Variants in VPS13B observed in about 807,000 individuals in gnomAD.
The protein encoded by VPS13B is intermembrane lipid transfer protein VPS13B.
A neutral mutation model predicts 426.4 loss-of-function variants in VPS13B; 285 were observed. That is an observed-to-expected ratio of 0.67 (90% CI 0.61 to 0.74). VPS13B has a LOEUF of 0.74. Among genes scored for constraint, VPS13B ranks in the 30% least tolerant of loss-of-function variants. VPS13B has a pLI of 0.00. For missense variants in VPS13B, 4,537 were observed against 4,782.6 expected (o/e 0.95, Z 1.51); for synonymous variants, 1,676 against 1,676.4 (o/e 1.00, Z 0.01).
At chr8:99,872,491 G>C (rs1563520905) in intron 61 of VPS13B, among the ~76,000 whole-genome samples, 1 of 152,160 alleles carries the variant, frequency 6.6e-6, no homozygotes, top group Non-Finnish European at 1.5e-5. Context: ...AAGGCATACT[G>C]GGTGTCAAGA....
intron 55 of VPS13B, among the ~76,000 whole-genome samples, 158 bp downstream of exon 55, chr8:99,849,052 C>T (rs1446076394): frequency 6.6e-6 from 1 of 152,178 alleles, no homozygotes; most frequent in Non-Finnish European, 1.5e-5. Context: ...ACTAAATCAT[C>T]CCTTCAATAG....
chr8:99,177,651 G>A (rs1263818166), intron 16 of VPS13B, among the ~76,000 whole-genome samples: 6 of 152,228 alleles, frequency 3.9e-5, no homozygotes, highest in African/African-American at 1.4e-4. Context: ...TTTATGGTCA[G>A]TTGGGGTGAA....
intron 14 of VPS13B, among the ~76,000 whole-genome samples, chr8:99,148,988 T>C (rs1419289474): frequency 6.6e-6 from 1 of 152,234 alleles, no homozygotes; most frequent in Non-Finnish European, 1.5e-5. Context: ...AGAAATGCTC[T>C]TTTAGCAGCT....
intron 19 of VPS13B, among the ~76,000 whole-genome samples, chr8:99,299,320 C>T (rs901300355): frequency 2.6e-5 from 4 of 151,746 alleles, no homozygotes; most frequent in African/African-American, 9.7e-5. Context: ...CCTCAGGCTC[C>T]CAAAGTGCTG....
chr8:99,515,627 T>C (rs1188009914), intron 29 of VPS13B, among the ~76,000 whole-genome samples: 1 of 152,180 alleles, frequency 6.6e-6, no homozygotes, highest in Non-Finnish European at 1.5e-5. Context: ...AGTGGAATCC[T>C]TTGCAAATAT....
chr8:99,158,008 G>A (rs1251511127), intron 15 of VPS13B, among the ~76,000 whole-genome samples: 1 of 152,228 alleles, frequency 6.6e-6, no homozygotes, highest in Non-Finnish European at 1.5e-5. Flanking sequence ...GAAGCTGGCA[G>A]AGGTTGGTTC....
At position 99,876,116 on chromosome 8, in the gene VPS13B, T is replaced by C. The variant is rs1487980398; in HGVS notation, c.*450T>C. The C allele has an allele frequency of 2.0e-5, 4 of 198,086 alleles. No homozygotes were observed. Among genetic ancestry groups the C allele is most frequent in the East Asian group, 2.5e-4 (2 of 7,988 alleles). 12.3% of individuals were successfully genotyped at this position (198,086 alleles called of 1,614,324 possible). On this transcript the variant is annotated 3_prime_UTR_variant, in exon 62 of 62. Coordinates refer to ENST00000357162, the MANE Select transcript of VPS13B (RefSeq NM_152564.5). ...GGTCTATTATTAACTCTCTGTTCCA[T>C]CATAGAATGTGGCCAGGCCTTACAA...
At chr8:99,671,075 T>C (rs1830698543) in intron 35 of VPS13B, among the ~76,000 whole-genome samples, 1 of 152,314 alleles carries the variant, frequency 6.6e-6, no homozygotes, top group Middle Eastern at 3.4e-3. Context: ...TTTTCCATAA[T>C]GGCTGTACCA....
chr8:99,347,562 G>A (rs1171652226), intron 19 of VPS13B: 3 of 152,200 alleles, frequency 2.0e-5, no homozygotes, highest in Admixed American at 2.0e-4. Context: ...CTGTATGCTA[G>A]GCTGCTGGTA....
At chr8:99,355,455 G>A (rs1812131940) in intron 19 of VPS13B, among the ~76,000 whole-genome samples, 1 of 152,122 alleles carries the variant, frequency 6.6e-6, no homozygotes, top group African/African-American at 2.4e-5. Context: ...GCTGGGCCTG[G>A]TGGCACATGC....
intron 35 of VPS13B, chr8:99,696,058 A>T (rs1831982518): frequency 6.5e-6 from 1 of 154,280 alleles, no homozygotes; most frequent in African/African-American, 2.4e-5. Flanking sequence ...CTTCCTTCAG[A>T]GGCGATCGCC....
intron 57 of VPS13B, 58 bp downstream of exon 57, chr8:99,859,538 T>A (rs1189314757): frequency 1.3e-5 from 19 of 1,448,584 alleles, no homozygotes; most frequent in Middle Eastern, 1.8e-4. Flanking sequence ...TTTTTTTTTT[T>A]AAAGAATGTG....
At chr8:99,465,112 G>C (rs2133502777) in intron 23 of VPS13B, among the ~76,000 whole-genome samples, 1 of 152,242 alleles carries the variant, frequency 6.6e-6, no homozygotes, top group East Asian at 1.9e-4. Flanking sequence ...AAAGCTATAT[G>C]AAGTTCTCAG....
chr8:99,182,658 T>A (rs1156518908), intron 16 of VPS13B, among the ~76,000 whole-genome samples: 2 of 152,302 alleles, frequency 1.3e-5, no homozygotes, highest in African/African-American at 4.8e-5. Context: ...GTAGGCTTAT[T>A]CAGAGTAATG....
intron 17 of VPS13B, among the ~76,000 whole-genome samples, chr8:99,216,961 T>C (rs1815424557): frequency 6.6e-6 from 1 of 152,156 alleles, no homozygotes; most frequent in Non-Finnish European, 1.5e-5. Flanking sequence ...ATTTAAACTT[T>C]AGGCTATTAT....
At position 99,776,802 on chromosome 8, in the gene VPS13B, C is replaced by T. The variant is rs751790821; in HGVS notation, c.7275C>T (p.Ser2425=). 8 of 1,614,024 alleles carry T rather than the reference C, an allele frequency of 5.0e-6. No individual in the cohort carries two copies. In the East Asian group the frequency reaches 1.6e-4, roughly 31 times the overall value. ...CTGCAAGTGAGTCTGGTTCTCAAAGCACTTGTGATCCACTTGTGACTCCAA... is the reference window on the plus strand; with the variant it reads ...CTGCAAGTGAGTCTGGTTCTCAAAGTACTTGTGATCCACTTGTGACTCCAA... The part of the protein sequence containing the change: ...QSSASESGSQ[S]TCDPLVTPTA... Residue 2425 remains serine (S), a synonymous_variant, in exon 41 of 62, where the codon AGC becomes AGT. Transcript: ENST00000357162.
chr8:99,464,080 C>T (rs1563744646), intron 23 of VPS13B, among the ~76,000 whole-genome samples: 1 of 151,990 alleles, frequency 6.6e-6, no homozygotes, highest in South Asian at 2.1e-4. Flanking sequence ...GTTTGTAGTA[C>T]ATCTTTCTCT....
At chr8:99,348,309 A>G (rs1377849771) in intron 19 of VPS13B, 1 of 152,248 alleles carries the variant, frequency 6.6e-6, no homozygotes, top group African/African-American at 2.4e-5. Flanking sequence ...TGCCTGCCAT[A>G]AGAGTTCTCT....
intron 3 of VPS13B, among the ~76,000 whole-genome samples, chr8:99,080,378 C>T (rs942056049): frequency 1.3e-5 from 2 of 151,988 alleles, no homozygotes; most frequent in African/African-American, 4.8e-5. Context: ...TAATTTTAAA[C>T]CTTTATTTTT....
Sources: gnomAD v4.1 joint callset for allele counts (sites outside exome capture counted in the v4.1 genomes callset) on GRCh38, gnomAD v4.1.1 for gene constraint, MANE v1.5 for transcripts, NCBI Gene and HGNC (gene_info 2026-07-23, HGNC 2026-07-21) for gene names.